Variants in BANF2 observed in about 807,000 individuals in gnomAD.
BANF2 encodes barrier-to-autointegration factor-like protein.
A neutral mutation model predicts 8.0 loss-of-function variants in BANF2; 4 were observed. The ratio of observed to expected loss-of-function variants is 0.50; its 90% CI spans 0.25 to 1.14. The LOEUF (loss-of-function observed/expected upper bound fraction) is 1.14. BANF2 is among the 50% of genes most tolerant of loss of function. BANF2 has a pLI of 0.16. For missense variants in BANF2, 96 were observed against 107.5 expected (o/e 0.89, Z 0.47); for synonymous variants, 50 against 40.6 (o/e 1.23, Z -0.88).
Position 17,735,645 on chromosome 20 carries a change from C to T in BANF2, c.127-20C>T, listed in dbSNP as rs1318915613. 1 of 1,611,076 alleles carries T rather than the reference C, an allele frequency of 6.2e-7. No homozygotes were observed. Among genetic ancestry groups the T allele is most frequent in the Admixed American group, 1.7e-5 (1 of 60,002 alleles). On this transcript the variant is annotated intron_variant, in intron 3 of 3. Coordinates refer to ENST00000246090, the MANE Select transcript of BANF2 (RefSeq NM_178477.5). ...ATGATAACCTTTCCTGCTTTCCTCC[C>T]TGTCTCATCCCCTCCCCAGGCCTAC...
chr20:17,719,145 A>G (rs2037694956), intron 1 of BANF2, among the ~76,000 whole-genome samples: 1 of 151,916 alleles, frequency 6.6e-6, no homozygotes, highest in African/African-American at 2.4e-5. Flanking sequence ...GTTTTTTGAG[A>G]TGGAGTTTCA....
intron 3 of BANF2, among the ~76,000 whole-genome samples, chr20:17,734,127 C>T (rs910649292): frequency 3.9e-5 from 6 of 152,190 alleles, no homozygotes; most frequent in African/African-American, 1.4e-4. Flanking sequence ...GAATTCCCTT[C>T]CTCCATGTGG....
chr20:17,730,736 G>A (rs1259084474), intron 3 of BANF2, among the ~76,000 whole-genome samples: 2 of 152,192 alleles, frequency 1.3e-5, no homozygotes, highest in African/African-American at 4.8e-5. Flanking sequence ...TGTCCACAGC[G>A]AAGCCTCTGA....
chr20:17,698,469 G>T (rs1312144218), upstream of BANF2, among the ~76,000 whole-genome samples: 1 of 152,224 alleles, frequency 6.6e-6, no homozygotes, highest in Non-Finnish European at 1.5e-5. Context: ...CCTAGCATAG[G>T]CACCTACGGG....
At chr20:17,735,109 GAAAGA>G (rs1336062834) in intron 3 of BANF2, among the ~76,000 whole-genome samples, 2 of 151,926 alleles carry the variant, frequency 1.3e-5, no homozygotes, top group African/African-American at 2.4e-5. Context: ...ACAAATAAAA[GAAAGA>G]AAAGAAAAGA....
At chr20:17,696,847 C>T (rs75658087), upstream of BANF2, among the ~76,000 whole-genome samples, 2,417 of 152,118 alleles carry the variant, frequency 0.016, 75 homozygotes, top group African/African-American at 0.056. Context: ...CAGTACATGC[C>T]GTGTCTGATT....
intron 1 of BANF2, among the ~76,000 whole-genome samples, chr20:17,702,549 T>A (rs1357570865): frequency 6.6e-6 from 1 of 152,228 alleles, no homozygotes; most frequent in Non-Finnish European, 1.5e-5. Context: ...CACAGACCTC[T>A]GCTGCCAGTT....
At chr20:17,730,120 C>G (rs774344072) in intron 3 of BANF2, among the ~76,000 whole-genome samples, 1 of 152,190 alleles carries the variant, frequency 6.6e-6, no homozygotes, top group Non-Finnish European at 1.5e-5. Flanking sequence ...GAAATAGAAG[C>G]AACACTTGGC....
upstream of BANF2, among the ~76,000 whole-genome samples, chr20:17,698,679 A>T (rs2037371499): frequency 6.6e-6 from 1 of 152,256 alleles, no homozygotes; most frequent in Non-Finnish European, 1.5e-5. Flanking sequence ...ATACGCAGGT[A>T]CTGGCAGCTG....
At chr20:17,695,414 C>T (rs1261225196), upstream of BANF2, among the ~76,000 whole-genome samples, 2 of 137,396 alleles carry the variant, frequency 1.5e-5, no homozygotes, top group Non-Finnish European at 3.0e-5. Flanking sequence ...AACCTGCACT[C>T]CAGCCTGGGG....
intron 1 of BANF2, among the ~76,000 whole-genome samples, chr20:17,715,801 A>C (rs1471219341): frequency 6.6e-6 from 1 of 152,248 alleles, no homozygotes; most frequent in Non-Finnish European, 1.5e-5. Context: ...CACAATCCTA[A>C]CTTAAACTGA....
intron 1 of BANF2, among the ~76,000 whole-genome samples, chr20:17,715,665 G>A (rs74181976): frequency 0.099 from 15,145 of 152,272 alleles, 929 homozygotes; most frequent in East Asian, 0.16. Context: ...ACTCTGGGTG[G>A]AATGGGGAGG....
At chr20:17,704,111 C>T (rs1037046277) in intron 1 of BANF2, among the ~76,000 whole-genome samples, 4 of 152,200 alleles carry the variant, frequency 2.6e-5, no homozygotes, top group Non-Finnish European at 4.4e-5. Context: ...CACCTTCTAC[C>T]GGGCTAACTA....
chr20:17,714,026 T>C (rs1424488670), intron 1 of BANF2, among the ~76,000 whole-genome samples: 2 of 151,640 alleles, frequency 1.3e-5, no homozygotes, highest in South Asian at 4.2e-4. Context: ...GCCAACATGA[T>C]GAAACCCCGT....
In BANF2 at chr20:17,722,890, G is replaced by A. The variant is rs2037752823; in HGVS notation, c.-4+12G>A. On this transcript the variant is annotated intron_variant, in intron 2 of 3. Transcript: ENST00000246090. ...GACTCTGTAGAAAGGTCTGGAGGAG[G>A]ATGGGGACAGGAGAGGGGATGGGGC... is the stretch of plus-strand genomic sequence containing the variant. 3.0e-6 allele frequency: 3 copies of A among 983,792 alleles called. No homozygotes were observed. Among genetic ancestry groups the A allele is most frequent in the African/African-American group, 3.5e-5 (2 of 57,314 alleles). The allele number at this position is 983,792 out of a possible 1,614,324, so 60.9% of individuals were successfully genotyped here.
At chr20:17,707,366 G>A (rs2037497249) in intron 1 of BANF2, among the ~76,000 whole-genome samples, 1 of 144,670 alleles carries the variant, frequency 6.9e-6, no homozygotes. Context: ...CTGGGGGACA[G>A]AGCGAGACTC....
intron 1 of BANF2, among the ~76,000 whole-genome samples, chr20:17,701,062 C>T (rs970453363): frequency 1.3e-5 from 2 of 152,152 alleles, no homozygotes; most frequent in Non-Finnish European, 2.9e-5. Flanking sequence ...ATATTTTACC[C>T]TTAGGCTTTG....
At chr20:17,712,867 T>TG (rs2037595057) in intron 1 of BANF2, among the ~76,000 whole-genome samples, 1 of 152,104 alleles carries the variant, frequency 6.6e-6, no homozygotes, top group Admixed American at 6.5e-5. Context: ...AATGGCCAGA[T>TG]GGTGGAAGCA....
chr20:17,701,882 C>T (rs1462143244), intron 1 of BANF2, among the ~76,000 whole-genome samples: 6 of 152,200 alleles, frequency 3.9e-5, no homozygotes, highest in African/African-American at 7.2e-5. Context: ...GCTGATCAAA[C>T]GTTCCCATGC....
Sources: gnomAD v4.1 joint callset for allele counts (sites outside exome capture counted in the v4.1 genomes callset) on GRCh38, gnomAD v4.1.1 for gene constraint, MANE v1.5 for transcripts, NCBI Gene and HGNC (gene_info 2026-07-23, HGNC 2026-07-21) for gene names.